RAPGEF6: variants seen among roughly 807,000 people sequenced by gnomAD.
RAPGEF6 encodes the protein Rap guanine nucleotide exchange factor 6.
In RAPGEF6, 56 loss-of-function variants were observed where a neutral mutation model predicts 171.4. The ratio of observed to expected loss-of-function variants is 0.33; its 90% CI spans 0.26 to 0.41. The LOEUF (loss-of-function observed/expected upper bound fraction) is 0.41, where lower values mean the gene tolerates loss of function less well. Ranked by LOEUF, RAPGEF6 falls within the 10% of genes least tolerant of loss-of-function variation. The pLI, the probability that RAPGEF6 is intolerant of heterozygous loss-of-function variation, is 1.00. For missense variants in RAPGEF6, 1,674 were observed against 1,921.4 expected (o/e 0.87, Z 2.41); for synonymous variants, 692 against 650.1 (o/e 1.06, Z -0.98).
chr5:131,541,355 T>G (rs563664341), intron 6 of RAPGEF6, among the ~76,000 whole-genome samples: 114 of 152,242 alleles, frequency 7.5e-4, no homozygotes, highest in South Asian at 6.4e-3. Context: ...TAGAACTATA[T>G]TAAGTGAAGA....
chr5:131,523,346 T>C (rs1758638224), intron 6 of RAPGEF6, among the ~76,000 whole-genome samples: 1 of 150,438 alleles, frequency 6.6e-6, no homozygotes, highest in Non-Finnish European at 1.5e-5. Context: ...AAAATCATTC[T>C]TAGCTCACAG....
At chr5:131,594,531 G>T (rs941161823) in intron 3 of RAPGEF6, among the ~76,000 whole-genome samples, 1 of 152,242 alleles carries the variant, frequency 6.6e-6, no homozygotes, top group African/African-American at 2.4e-5. Context: ...AGTCCCCACT[G>T]GGGCACTATC....
intron 4 of RAPGEF6, among the ~76,000 whole-genome samples, chr5:131,573,862 T>A (rs182320126): frequency 6.6e-6 from 1 of 152,108 alleles, no homozygotes; most frequent in African/African-American, 2.4e-5. Flanking sequence ...TTATCCTTAA[T>A]ATGCATTTTA....
chr5:131,544,935 G>A (rs536918578), intron 6 of RAPGEF6, among the ~76,000 whole-genome samples: 5 of 152,170 alleles, frequency 3.3e-5, no homozygotes, highest in East Asian at 3.9e-4. Context: ...CGCCTGCCTC[G>A]GCCCCCAAAG....
At chr5:131,619,902 T>C (rs1353693748) in intron 1 of RAPGEF6, among the ~76,000 whole-genome samples, 1 of 152,226 alleles carries the variant, frequency 6.6e-6, no homozygotes, top group Non-Finnish European at 1.5e-5. Flanking sequence ...ATTAGACTAA[T>C]TAATCTCTCT....
chr5:131,434,237 T>C (rs1265574920), intron 24 of RAPGEF6, among the ~76,000 whole-genome samples: 2 of 152,212 alleles, frequency 1.3e-5, no homozygotes, highest in Admixed American at 6.5e-5. Context: ...TGAGAGTCAC[T>C]GTTTTAGATT....
chr5:131,566,634 A>C (rs1761956991), intron 4 of RAPGEF6, among the ~76,000 whole-genome samples: 1 of 152,112 alleles, frequency 6.6e-6, no homozygotes, highest in Non-Finnish European at 1.5e-5. Context: ...CCTAATACAA[A>C]GTCTTTTGGA....
chr5:131,623,197 A>G (rs867737484), intron 1 of RAPGEF6, among the ~76,000 whole-genome samples: 1 of 152,192 alleles, frequency 6.6e-6, no homozygotes, highest in Non-Finnish European at 1.5e-5. Context: ...GCATTAATCT[A>G]TATTTTTCTG....
chr5:131,439,067 C>A (rs1432961786), intron 24 of RAPGEF6, among the ~76,000 whole-genome samples: 1 of 152,074 alleles, frequency 6.6e-6, no homozygotes, highest in East Asian at 1.9e-4. Flanking sequence ...GGACTACAGG[C>A]ACACCACCAT....
chr5:131,629,899 T>C (rs939209608), intron 1 of RAPGEF6, among the ~76,000 whole-genome samples: 1 of 152,190 alleles, frequency 6.6e-6, no homozygotes, highest in African/African-American at 2.4e-5. Flanking sequence ...AAGTGGTTTC[T>C]TGAGACAACC....
intron 4 of RAPGEF6, among the ~76,000 whole-genome samples, chr5:131,579,166 G>A (rs946481542): frequency 1.3e-5 from 2 of 152,048 alleles, no homozygotes; most frequent in South Asian, 2.1e-4. Context: ...GGAGTTGTTC[G>A]CTCCTCCCGT....
At chr5:131,566,368 A>G (rs986424875) in intron 4 of RAPGEF6, among the ~76,000 whole-genome samples, 1 of 152,180 alleles carries the variant, frequency 6.6e-6, no homozygotes, top group Non-Finnish European at 1.5e-5. Flanking sequence ...TTTTATTAAT[A>G]AAGTATACTG....
chr5:131,589,645 T>C (rs1314156537), intron 4 of RAPGEF6, among the ~76,000 whole-genome samples: 1 of 152,204 alleles, frequency 6.6e-6, no homozygotes, highest in Non-Finnish European at 1.5e-5. Context: ...TTGCCATACT[T>C]TGTGATAAGG....
chr5:131,494,824 G>C (rs1418669360), intron 13 of RAPGEF6, among the ~76,000 whole-genome samples: 1 of 152,142 alleles, frequency 6.6e-6, no homozygotes, highest in African/African-American at 2.4e-5. Flanking sequence ...GGCTGAGAGA[G>C]ACCATAAGAA....
intron 6 of RAPGEF6, among the ~76,000 whole-genome samples, chr5:131,531,093 C>A (rs1312044126): frequency 1.3e-5 from 2 of 152,168 alleles, no homozygotes; most frequent in African/African-American, 4.8e-5. Context: ...TTTCCAGAAG[C>A]TGCCTTTAAG....
intron 6 of RAPGEF6, among the ~76,000 whole-genome samples, chr5:131,529,035 C>A (rs913963651): frequency 2.6e-5 from 4 of 152,048 alleles, no homozygotes; most frequent in African/African-American, 9.7e-5. Flanking sequence ...TAAACAGTCA[C>A]CTCAAACAAG....
intron 17 of RAPGEF6, 22 bp downstream of exon 17, chr5:131,472,565 T>TA (rs1754821543): frequency 6.2e-7 from 1 of 1,607,246 alleles, no homozygotes; most frequent in Non-Finnish European, 8.5e-7. Context: ...TACGGCAATA[T>TA]AAAATCACAT....
At position 131,580,632 on chromosome 5, in the gene RAPGEF6, T is replaced by C. The variant is rs528664622; in HGVS notation, c.281+11751A>G. Reference sequence around the variant, plus strand: ...TTCATAGACACTATGTGTTTTCTCATACACCATGAGAACAGAACCTCTCCC... The same window carrying C: ...TTCATAGACACTATGTGTTTTCTCACACACCATGAGAACAGAACCTCTCCC... On this transcript the variant is annotated intron_variant, in intron 4 of 27. Transcript: ENST00000509018. Among the ~76,000 whole-genome samples the C allele has an allele frequency of 2.3e-4, 35 of 152,302 alleles. No homozygotes were observed. The South Asian group carries it at 6.6e-3, about 29-fold the overall frequency.
At chr5:131,480,054 A>G (rs1000034507) in intron 15 of RAPGEF6, among the ~76,000 whole-genome samples, 1 of 152,200 alleles carries the variant, frequency 6.6e-6, no homozygotes, top group African/African-American at 2.4e-5. Context: ...AGAGGTTCCT[A>G]TTTAGGTAAT....
Sources: gnomAD v4.1 joint callset for allele counts (sites outside exome capture counted in the v4.1 genomes callset) on GRCh38, gnomAD v4.1.1 for gene constraint, MANE v1.5 for transcripts, NCBI Gene and HGNC (gene_info 2026-07-23, HGNC 2026-07-21) for gene names.